CNTNAP5: variants seen among roughly 807,000 people sequenced by gnomAD.
CNTNAP5 encodes contactin associated protein family member 5, also known as contactin-associated protein-like 5.
Under a neutral mutation model 150.2 loss-of-function variants are expected in CNTNAP5, and 72 were observed. The observed-to-expected ratio is 0.48, with a 90% CI of 0.40 to 0.58. CNTNAP5 has a LOEUF of 0.58. Ranked by LOEUF, CNTNAP5 falls within the 20% of genes least tolerant of loss-of-function variation. The probability of loss-of-function intolerance (pLI) is 0.00; values close to 1 mark genes in which losing one functional copy is unlikely to be tolerated. For missense variants in CNTNAP5, 1,636 were observed against 1,626.2 expected (o/e 1.01, Z -0.10); for synonymous variants, 672 against 619.8 (o/e 1.08, Z -1.25).
In CNTNAP5 at chr2:124,900,764, A is replaced by G. The variant is rs1678399639; in HGVS notation, c.3437-2118A>G. The stretch of plus-strand genomic sequence containing the variant: ...GAACTACAATGACTTGCCATTTTCC[A>G]TGTTCTGAAATCCTACAATGCAAAA... On this transcript the variant is annotated intron_variant, in intron 21 of 23. Coordinates refer to ENST00000682447, the MANE Select transcript of CNTNAP5 (RefSeq NM_001367498.1). Among the ~76,000 whole-genome samples the G allele has an allele frequency of 2.0e-5, 3 of 151,510 alleles. No individual in the cohort carries two copies. The South Asian group carries it at 6.2e-4, about 31-fold the overall frequency.
At chr2:124,567,219 T>C (rs552427120) in intron 11 of CNTNAP5, among the ~76,000 whole-genome samples, 13 of 152,066 alleles carry the variant, frequency 8.5e-5, no homozygotes, top group African/African-American at 3.1e-4. Flanking sequence ...GCGGGCACAA[T>C]GGACTCTCTA....
At chr2:124,766,480 C>A (rs1681071918) in intron 16 of CNTNAP5, among the ~76,000 whole-genome samples, 1 of 151,648 alleles carries the variant, frequency 6.6e-6, no homozygotes, top group Non-Finnish European at 1.5e-5. Context: ...CTAAGTGTTT[C>A]TTTTGCAGTT....
At chr2:124,070,508 C>A (rs562991311) in intron 1 of CNTNAP5, among the ~76,000 whole-genome samples, 10 of 149,788 alleles carry the variant, frequency 6.7e-5, no homozygotes, top group Admixed American at 3.3e-4. Flanking sequence ...AATAGATATT[C>A]TATGCTAATG....
intron 6 of CNTNAP5, among the ~76,000 whole-genome samples, chr2:124,472,434 C>G (rs1282535488): frequency 6.6e-6 from 1 of 151,492 alleles, no homozygotes. Context: ...GTTTGTATAC[C>G]ATTATTATTG....
chr2:124,294,534 C>T (rs1688374023), intron 3 of CNTNAP5, among the ~76,000 whole-genome samples: 1 of 152,080 alleles, frequency 6.6e-6, no homozygotes, highest in Non-Finnish European at 1.5e-5. Flanking sequence ...AGCCCTGGGG[C>T]AGGATCAAGC....
At chr2:124,045,745 C>T (rs1488985865) in intron 1 of CNTNAP5, among the ~76,000 whole-genome samples, 2 of 152,130 alleles carry the variant, frequency 1.3e-5, no homozygotes, top group Non-Finnish European at 2.9e-5. Context: ...TTTAGACAAT[C>T]TCTATTACTG....
chr2:124,242,307 A>G lies in CNTNAP5; in HGVS notation c.295A>G (p.Ser99Gly). 6.2e-7 allele frequency: 1 copy of G among 1,613,144 alleles called. No individual in the cohort carries two copies. Among genetic ancestry groups the G allele is most frequent in the Non-Finnish European group, 8.5e-7 (1 of 1,179,642 alleles). The change falls in exon 3 of 24, where the codon AGC becomes GGC. Residue 99 changes from serine (S) to glycine (G), a missense_variant. Ser to Gly is a moderately conservative substitution (Grantham distance 56, BLOSUM62 0). Coordinates refer to ENST00000682447, the MANE Select transcript of CNTNAP5 (RefSeq NM_001367498.1). ...TAVATQGRYG[S>G]SDWVTSYSLM... ...AGTGGCCACGCAGGGAAGATACGGA[A>G]GCTCTGACTGGGTGACGAGTTACAG...
chr2:124,859,887 C>T (rs1195537794), intron 19 of CNTNAP5, among the ~76,000 whole-genome samples: 3 of 152,018 alleles, frequency 2.0e-5, no homozygotes, highest in African/African-American at 7.2e-5. Flanking sequence ...GGAAGGGGAA[C>T]ATCATACACT....
chr2:124,261,112 C>T (rs999648305), intron 3 of CNTNAP5, among the ~76,000 whole-genome samples: 2 of 152,036 alleles, frequency 1.3e-5, no homozygotes, highest in African/African-American at 4.8e-5. Flanking sequence ...ATAAAATTGT[C>T]ATTCTGAAAA....
chr2:124,135,212 C>A (rs891393628), intron 1 of CNTNAP5: 2 of 152,186 alleles, frequency 1.3e-5, no homozygotes. Context: ...TTTTATGAAG[C>A]GTTATCATTT....
chr2:124,725,067 A>G (rs567321902), intron 13 of CNTNAP5, among the ~76,000 whole-genome samples: 1 of 151,832 alleles, frequency 6.6e-6, no homozygotes, highest in East Asian at 2.0e-4. Context: ...GTTCTTCTGT[A>G]CAGGGTCTCA....
intron 19 of CNTNAP5, among the ~76,000 whole-genome samples, chr2:124,835,140 A>T (rs1682802677): frequency 1.3e-5 from 2 of 152,216 alleles, no homozygotes; most frequent in Admixed American, 6.6e-5. Context: ...ACACAGTTTT[A>T]GAATTATCTT....
Position 124,801,042 on chromosome 2 carries a change from A to AC in CNTNAP5, c.3217+2727dup, listed in dbSNP as rs528929341. ...CGCCTTCCCCACTCCAGCTTGGAAC[A>AC]CCCCCACCACACCTTGCTCCAGGGA... On this transcript the variant is annotated intron_variant, in intron 19 of 23. Coordinates refer to ENST00000682447, the MANE Select transcript of CNTNAP5 (RefSeq NM_001367498.1). Among the ~76,000 whole-genome samples the AC allele has an allele frequency of 1.1e-4, 17 of 151,996 alleles. No homozygotes were observed. The East Asian group carries it at 3.3e-3, about 29-fold the overall frequency.
At chr2:124,160,259 G>T (rs1684644113) in intron 1 of CNTNAP5, among the ~76,000 whole-genome samples, 1 of 152,144 alleles carries the variant, frequency 6.6e-6, no homozygotes, top group African/African-American at 2.4e-5. Flanking sequence ...CAAAGAAAGA[G>T]AATATTATTT....
At chr2:124,340,694 C>T (rs79558280) in intron 3 of CNTNAP5, among the ~76,000 whole-genome samples, 4,220 of 151,464 alleles carry the variant, frequency 0.028, 201 homozygotes, top group African/African-American at 0.095. Context: ...TGAGATGGGA[C>T]GACCCCTTGA....
At chr2:124,650,577 A>C (rs1431722844) in intron 13 of CNTNAP5, among the ~76,000 whole-genome samples, 6 of 152,166 alleles carry the variant, frequency 3.9e-5, no homozygotes, top group Non-Finnish European at 7.4e-5. Flanking sequence ...GCAGAGGAGG[A>C]TAGAGGCCAT....
At chr2:124,708,504 A>G (rs1679740664) in intron 13 of CNTNAP5, among the ~76,000 whole-genome samples, 1 of 152,060 alleles carries the variant, frequency 6.6e-6, no homozygotes, top group Non-Finnish European at 1.5e-5. Context: ...TGCAATCTGC[A>G]GGGACAAAGA....
chr2:124,663,127 T>A (rs1678626762), intron 13 of CNTNAP5, among the ~76,000 whole-genome samples: 1 of 152,134 alleles, frequency 6.6e-6, no homozygotes, highest in Admixed American at 6.5e-5. Context: ...TTAAGTAAAG[T>A]AAGAACCATG....
chr2:124,507,872 C>A (rs1694451787), intron 8 of CNTNAP5, among the ~76,000 whole-genome samples: 1 of 152,138 alleles, frequency 6.6e-6, no homozygotes, highest in Admixed American at 6.5e-5. Context: ...CAGAAGGCTG[C>A]CAAGGGTGAG....
Sources: allele counts gnomAD v4.1 joint callset (sites outside exome capture counted in the v4.1 genomes callset), GRCh38; gene constraint gnomAD v4.1.1; transcripts MANE v1.5; gene names NCBI Gene and HGNC (gene_info 2026-07-23, HGNC 2026-07-21).